Variants in SV2C observed in about 807,000 individuals in gnomAD.
The protein encoded by SV2C is synaptic vesicle glycoprotein 2C, also known as solute carrier family 22 member B3.
A neutral mutation model predicts 79.7 loss-of-function variants in SV2C; 49 were observed. The ratio of observed to expected loss-of-function variants is 0.61; its 90% CI spans 0.49 to 0.78. The LOEUF (loss-of-function observed/expected upper bound fraction) is 0.78. Among genes scored for constraint, SV2C ranks in the 30% least tolerant of loss-of-function variants. The pLI, the probability that SV2C is intolerant of heterozygous loss-of-function variation, is 0.00. For missense variants in SV2C, 833 were observed against 912.9 expected (o/e 0.91, Z 1.13); for synonymous variants, 334 against 333.2 (o/e 1.00, Z -0.03).
rs137955239 is a variant in SV2C, at chr5:76,120,145, T to A, written c.-101-11505T>A. On this transcript the variant is annotated intron_variant, in intron 1 of 12. Coordinates refer to ENST00000502798, the MANE Select transcript of SV2C (RefSeq NM_014979.4). The stretch of plus-strand genomic sequence containing the variant: ...CATAAATGTGTACAATTATAATGTG[T>A]CAAAAAATTTTAAAAAGAATCTACC... 2.8e-3 allele frequency among the ~76,000 whole-genome samples: 431 copies of A among 152,238 alleles called. 5 individuals are homozygous for A. Among genetic ancestry groups the A allele is most frequent in the Admixed American group, 0.014 (216 of 15,272 alleles).
the SV2C span, among the ~76,000 whole-genome samples, chr5:75,946,246 C>G: frequency 6.6e-6 from 1 of 152,006 alleles, no homozygotes; most frequent in Non-Finnish European, 1.5e-5. Context: ...TAGCAGAATA[C>G]AGTGTGATGT....
chr5:76,271,560 T>C (rs1184171053), intron 4 of SV2C, among the ~76,000 whole-genome samples: 2 of 151,488 alleles, frequency 1.3e-5, no homozygotes, highest in East Asian at 3.9e-4. Flanking sequence ...ATGGACTATA[T>C]ACTGTGCTAT....
chr5:76,138,691 A>G (rs1156289514), intron 2 of SV2C, among the ~76,000 whole-genome samples: 1 of 152,178 alleles, frequency 6.6e-6, no homozygotes, highest in Non-Finnish European at 1.5e-5. Context: ...TCCCTACTGT[A>G]TCCTCCTGCC....
At chr5:76,132,778 G>A (rs78152055) in intron 2 of SV2C, among the ~76,000 whole-genome samples, 2,166 of 152,108 alleles carry the variant, frequency 0.014, 51 homozygotes, top group African/African-American at 0.049. Flanking sequence ...CAATTTTTAT[G>A]TGTAATACAG....
At chr5:76,214,381 C>T (rs1744854317) in intron 4 of SV2C, among the ~76,000 whole-genome samples, 1 of 152,096 alleles carries the variant, frequency 6.6e-6, no homozygotes, top group Non-Finnish European at 1.5e-5. Flanking sequence ...TATTCTGTTC[C>T]GTTGGTCTAC....
At chr5:76,031,005 C>G in the SV2C span, among the ~76,000 whole-genome samples, 1 of 152,070 alleles carries the variant, frequency 6.6e-6, no homozygotes, top group Non-Finnish European at 1.5e-5. Flanking sequence ...CAATGGATTA[C>G]CAAGCAATAT....
the SV2C span, among the ~76,000 whole-genome samples, chr5:75,894,001 G>A: frequency 6.6e-6 from 1 of 152,062 alleles, no homozygotes; most frequent in African/African-American, 2.4e-5. Flanking sequence ...AGATCATGGA[G>A]AATTTTTGTT....
At chr5:76,013,606 GTTGCCTGA>G in the SV2C span, among the ~76,000 whole-genome samples, 1 of 151,960 alleles carries the variant, frequency 6.6e-6, no homozygotes, top group Admixed American at 6.6e-5. Context: ...ATTTCTTTCT[GTTGCCTGA>G]TTGCCCTGCC....
At chr5:75,855,228 T>C in the SV2C span, among the ~76,000 whole-genome samples, 2 of 152,164 alleles carry the variant, frequency 1.3e-5, no homozygotes, top group Non-Finnish European at 2.9e-5. Context: ...TACACACATT[T>C]TGGTAGATTA....
At chr5:76,070,695 C>T in the SV2C span, among the ~76,000 whole-genome samples, 78 of 152,318 alleles carry the variant, frequency 5.1e-4, no homozygotes, top group Middle Eastern at 0.017. Flanking sequence ...TTTGGTAGTT[C>T]ATGAACACTG....
the SV2C span, among the ~76,000 whole-genome samples, chr5:75,871,323 A>G: frequency 6.6e-6 from 1 of 152,218 alleles, no homozygotes; most frequent in Admixed American, 6.5e-5. Context: ...AATGAGAACA[A>G]GACGTATAAC....
chr5:75,956,381 C>A, the SV2C span, among the ~76,000 whole-genome samples: 1 of 120,548 alleles, frequency 8.3e-6, no homozygotes, highest in Non-Finnish European at 1.6e-5. Flanking sequence ...AAACATCACA[C>A]TCTGGGGACT....
intron 12 of SV2C, among the ~76,000 whole-genome samples, chr5:76,318,584 A>T (rs949827206): frequency 6.6e-6 from 1 of 152,216 alleles, no homozygotes; most frequent in Non-Finnish European, 1.5e-5. Flanking sequence ...ATACCAGCAC[A>T]TGTGTCTCAG....
rs11419416 is a variant in SV2C at position 76,321,300 on chromosome 5, GA to G, written c.2001-4054del. Among the ~76,000 whole-genome samples, 1,394 of 149,402 alleles carry G rather than the reference GA, an allele frequency of 9.3e-3. 21 individuals carry two copies. Among genetic ancestry groups the G allele is most frequent in the African/African-American group, 0.029 (1,173 of 40,682 alleles). ...ATAAGATGCATTTCCCTCTTAGGGG[GA>G]AAAAAAAAACAAGGTATCCAAAAAT... On this transcript the variant is annotated intron_variant, in intron 12 of 12. Transcript: ENST00000502798.
the SV2C span, among the ~76,000 whole-genome samples, chr5:75,971,361 A>G: frequency 7.2e-5 from 11 of 152,088 alleles, no homozygotes; most frequent in Admixed American, 3.9e-4. Flanking sequence ...AGGGTATTCA[A>G]TTAGGAAAAG....
intron 4 of SV2C, among the ~76,000 whole-genome samples, chr5:76,235,195 A>G (rs1745574949): frequency 1.4e-5 from 2 of 141,758 alleles, no homozygotes; most frequent in South Asian, 4.3e-4. Flanking sequence ...AAAAAAAAAA[A>G]AGGAAGTAAA....
At chr5:76,187,150 A>G (rs1271626598) in intron 2 of SV2C, among the ~76,000 whole-genome samples, 1 of 152,176 alleles carries the variant, frequency 6.6e-6, no homozygotes, top group Non-Finnish European at 1.5e-5. Flanking sequence ...AATTGCTTCA[A>G]ATAACAAGGG....
chr5:76,298,034 GTTA>G (rs1747837663), intron 9 of SV2C, among the ~76,000 whole-genome samples: 1 of 152,076 alleles, frequency 6.6e-6, no homozygotes. Flanking sequence ...CTTCTAAGAT[GTTA>G]TTATCATTAT....
At position 76,332,438 on chromosome 5, in the gene SV2C, C is replaced by T. The variant is rs1011279455; in HGVS notation, c.*6891C>T. On this transcript the variant is annotated 3_prime_UTR_variant, in exon 13 of 13. Transcript: ENST00000502798. ...TTAAACTTTCAGAACTTTTGAGAGT[C>T]AGTTGAGAAACATAGCTATTACTAA... The T allele has an allele frequency of 1.3e-5, 2 of 152,116 alleles. No individual in the cohort carries two copies. Among genetic ancestry groups the T allele is most frequent in the African/African-American group, 4.8e-5 (2 of 41,418 alleles). The allele number at this position is 152,116 out of a possible 1,614,324, so 9.4% of individuals were successfully genotyped here.
Sources: allele counts gnomAD v4.1 joint callset (sites outside exome capture counted in the v4.1 genomes callset), GRCh38; gene constraint gnomAD v4.1.1; transcripts MANE v1.5; gene names NCBI Gene and HGNC (gene_info 2026-07-23, HGNC 2026-07-21).